The following WDFY4 variants were observed in gnomAD, a reference collection of about 807,000 sequenced individuals.
The protein encoded by WDFY4 is WD repeat- and FYVE domain-containing protein 4.
In WDFY4, 169 loss-of-function variants were observed where a neutral mutation model predicts 351.9. That is an observed-to-expected ratio of 0.48 (90% CI 0.42 to 0.55). The LOEUF is 0.55. Ranked by LOEUF, WDFY4 falls within the 20% of genes least tolerant of loss-of-function variation. The pLI, the probability that WDFY4 is intolerant of heterozygous loss-of-function variation, is 0.00. For missense variants in WDFY4, 3,803 were observed against 3,935.6 expected (o/e 0.97, Z 0.90); for synonymous variants, 1,622 against 1,574.6 (o/e 1.03, Z -0.71).
rs1462756426 is a variant in WDFY4 at position 48,779,930 on chromosome 10, C to T, written c.3398-11C>T. On this transcript the variant is annotated splice_polypyrimidine_tract_variant and intron_variant, in intron 18 of 61. Transcript: ENST00000325239. ...CCACACGTGAGACTCAGTGTTCATG[C>T]TGTCTTCCAGATGTCATGGAACCTG... 3 of 1,551,322 alleles carry T rather than the reference C, an allele frequency of 1.9e-6. No individual in the cohort carries two copies. The highest frequency in any genetic ancestry group is 1.4e-5 in the African/African-American group (1 of 73,184).
Position 48,817,239 on chromosome 10 carries a change from C to T in WDFY4, c.5341-6C>T. 2 of 1,551,432 alleles carry T rather than the reference C, an allele frequency of 1.3e-6. No individual in the cohort carries two copies. The highest frequency in any genetic ancestry group is 1.7e-6 in the Non-Finnish European group (2 of 1,146,940). On this transcript the variant is annotated splice_polypyrimidine_tract_variant and splice_region_variant and intron_variant, in intron 31 of 61. Transcript: ENST00000325239. ...CCTGCACTACCTCTCACCAAGTGTG[C>T]CTCAGCCCCTGGCAGGTTCTGAGGA...
chr10:48,900,840 G>T (rs1346774916), intron 46 of WDFY4, among the ~76,000 whole-genome samples: 1 of 152,282 alleles, frequency 6.6e-6, no homozygotes, highest in African/African-American at 2.4e-5. Context: ...TAATACCATG[G>T]TTATTTGTTT....
chr10:48,890,389 G>A (rs1222008845), intron 43 of WDFY4, among the ~76,000 whole-genome samples, 190 bp from the exon 44 acceptor site: 1 of 152,168 alleles, frequency 6.6e-6, no homozygotes, highest in Non-Finnish European at 1.5e-5. Flanking sequence ...CAGCCCAGGT[G>A]GGGTGTGGTA....
At chr10:48,842,616 ATCT>A (rs1361805904) in intron 39 of WDFY4, among the ~76,000 whole-genome samples, 1 of 152,254 alleles carries the variant, frequency 6.6e-6, no homozygotes, top group Non-Finnish European at 1.5e-5. Context: ...GATGATGCTG[ATCT>A]TCTCCTAATG....
chr10:48,831,522 T>C (rs1246520783), intron 38 of WDFY4, among the ~76,000 whole-genome samples: 1 of 152,250 alleles, frequency 6.6e-6, no homozygotes, highest in East Asian at 1.9e-4. Context: ...GAGTTAGTTA[T>C]TTCCATGTAT....
chr10:48,857,495 C>CA (rs1186477353), intron 39 of WDFY4, among the ~76,000 whole-genome samples: 1 of 151,858 alleles, frequency 6.6e-6, no homozygotes, highest in African/African-American at 2.4e-5. Flanking sequence ...AAAAAAAAGG[C>CA]AAAAATGTCA....
intron 24 of WDFY4, among the ~76,000 whole-genome samples, chr10:48,797,737 T>A (rs2066922435): frequency 6.6e-6 from 1 of 152,250 alleles, no homozygotes; most frequent in Non-Finnish European, 1.5e-5. Context: ...ATGGGACTTT[T>A]GTGCTGATAT....
intron 13 of WDFY4, among the ~76,000 whole-genome samples, chr10:48,770,986 TC>T (rs1174048142): frequency 6.6e-6 from 1 of 152,166 alleles, no homozygotes; most frequent in Non-Finnish European, 1.5e-5. Flanking sequence ...TGTAGTTTTA[TC>T]CCCCTTCCCC....
chr10:48,858,397 G>T (rs1418037164), intron 39 of WDFY4, among the ~76,000 whole-genome samples: 4 of 152,106 alleles, frequency 2.6e-5, no homozygotes, highest in Non-Finnish European at 5.9e-5. Context: ...TTTTGTATAA[G>T]GTACGAGACT....
intron 11 of WDFY4, among the ~76,000 whole-genome samples, chr10:48,742,381 A>C (rs948484016): frequency 6.6e-6 from 1 of 152,180 alleles, no homozygotes; most frequent in African/African-American, 2.4e-5. Context: ...CCCTCATCTA[A>C]TATAACCGAT....
intron 39 of WDFY4, among the ~76,000 whole-genome samples, chr10:48,836,776 G>T (rs1424510933): frequency 6.6e-6 from 1 of 152,168 alleles, no homozygotes; most frequent in African/African-American, 2.4e-5. Flanking sequence ...TTGTTGGACA[G>T]AGGTTGGGAA....
At chr10:48,707,101 TAA>T (rs2063651746) in intron 1 of WDFY4, among the ~76,000 whole-genome samples, 1 of 151,842 alleles carries the variant, frequency 6.6e-6, no homozygotes, top group Non-Finnish European at 1.5e-5. Flanking sequence ...AAGGAAAAAA[TAA>T]GCAAAGGTTA....
At chr10:48,882,055 A>T (rs772350768) in intron 43 of WDFY4, among the ~76,000 whole-genome samples, 3 of 152,180 alleles carry the variant, frequency 2.0e-5, no homozygotes, top group Non-Finnish European at 4.4e-5. Context: ...CTTGGGAACA[A>T]TCTGCAGACC....
At chr10:48,755,713 A>C (rs2065317031) in intron 12 of WDFY4, among the ~76,000 whole-genome samples, 2 of 152,076 alleles carry the variant, frequency 1.3e-5, no homozygotes, top group South Asian at 4.1e-4. Context: ...TCATTGACTT[A>C]TGTGTCTAGC....
Position 48,786,807 on chromosome 10 carries a change from CTG to C in WDFY4, c.3746_3747del (p.Leu1249ArgfsTer4). On this transcript the variant is annotated frameshift_variant, in exon 20 of 62. Coordinates refer to ENST00000325239, the MANE Select transcript of WDFY4 (RefSeq NM_001394531.1). LOFTEE classifies it high-confidence loss of function. The part of the protein sequence containing the change: ...LFEEAISMET[L>X]EVINKLGPRY... ...TGAAGAAGCCATTTCAATGGAAACT[CTG>C]GAAGTTATTAACAAACTTGGCCCAA... The C allele has an allele frequency of 6.4e-7, 1 of 1,552,324 alleles. No individual in the cohort carries two copies.
Position 48,816,386 on chromosome 10 carries a change from A to G in WDFY4, c.5341-859A>G, listed in dbSNP as rs1048564785. Among the ~76,000 whole-genome samples, 23 of 152,262 alleles carry G rather than the reference A, an allele frequency of 1.5e-4. No homozygotes were observed. The East Asian group carries it at 1.9e-3, about 13-fold the overall frequency. On this transcript the variant is annotated intron_variant, in intron 31 of 61. Transcript: ENST00000325239. ...TTTGTTATGTTCTGGAATTTCTGTG[A>G]CTGTAGTGTTAAAGCTCTCTTTGAT...
chr10:48,897,920 G>C (rs1305199133), intron 45 of WDFY4, among the ~76,000 whole-genome samples: 3 of 152,220 alleles, frequency 2.0e-5, no homozygotes, highest in Non-Finnish European at 4.4e-5. Context: ...CCTCCCAGTA[G>C]AGCTGATAAC....
intron 23 of WDFY4, among the ~76,000 whole-genome samples, chr10:48,794,625 A>G (rs927646883): frequency 6.6e-6 from 1 of 152,234 alleles, no homozygotes; most frequent in Non-Finnish European, 1.5e-5. Context: ...AGCTGGGAAT[A>G]TAATTAAAAC....
chr10:48,855,352 G>T (rs1207474242), intron 39 of WDFY4, among the ~76,000 whole-genome samples: 2 of 151,918 alleles, frequency 1.3e-5, no homozygotes, highest in African/African-American at 2.4e-5. Flanking sequence ...CCCTCTTTTA[G>T]TATCTAATAT....
Sources: gnomAD v4.1 joint callset for allele counts (sites outside exome capture counted in the v4.1 genomes callset) on GRCh38, gnomAD v4.1.1 for gene constraint, MANE v1.5 for transcripts, NCBI Gene and HGNC (gene_info 2026-07-23, HGNC 2026-07-21) for gene names.